Variants in KAZN observed in about 807,000 individuals in gnomAD.
KAZN encodes kazrin.
A neutral mutation model predicts 87.4 loss-of-function variants in KAZN; 40 were observed. The observed-to-expected ratio is 0.46, with a 90% CI of 0.36 to 0.60. The LOEUF is 0.60. Ranked by LOEUF, KAZN falls within the 20% of genes least tolerant of loss-of-function variation. The probability of loss-of-function intolerance (pLI) is 0.00; values close to 1 mark genes in which losing one functional copy is unlikely to be tolerated. For missense variants in KAZN, 898 were observed against 1,073.9 expected (o/e 0.84, Z 2.29); for synonymous variants, 466 against 458.3 (o/e 1.02, Z -0.22).
At chr1:14,384,000 G>T (rs1359889477) in intron 2 of KAZN, among the ~76,000 whole-genome samples, 1 of 152,028 alleles carries the variant, frequency 6.6e-6, no homozygotes, top group Non-Finnish European at 1.5e-5. Context: ...TTCAGCAGTG[G>T]TTTGTAGCTC....
At chr1:14,736,397 C>CCT (rs1643907908) in intron 1 of KAZN, among the ~76,000 whole-genome samples, 1 of 149,408 alleles carries the variant, frequency 6.7e-6, no homozygotes, top group African/African-American at 2.5e-5. Flanking sequence ...CTCCCAGGTT[C>CCT]AAGCTATTCT....
intron 1 of KAZN, among the ~76,000 whole-genome samples, chr1:14,825,160 T>C (rs2100845146): frequency 6.6e-6 from 1 of 152,368 alleles, no homozygotes; most frequent in African/African-American, 2.4e-5. Context: ...TTAAGTCATG[T>C]CCATTCAAAG....
intron 1 of KAZN, among the ~76,000 whole-genome samples, chr1:14,852,876 C>T (rs1002527369): frequency 5.9e-5 from 9 of 152,194 alleles, no homozygotes; most frequent in Non-Finnish European, 4.4e-5. Context: ...GTTGGAAATG[C>T]ACATTCTCAG....
At chr1:15,029,603 C>T (rs1310796596) in intron 2 of KAZN, among the ~76,000 whole-genome samples, 1 of 152,182 alleles carries the variant, frequency 6.6e-6, no homozygotes, top group Admixed American at 6.5e-5. Flanking sequence ...ACTGCACCCC[C>T]ACAAAGGCCA....
intron 1 of KAZN, among the ~76,000 whole-genome samples, chr1:14,760,405 A>T (rs959465493): frequency 6.6e-6 from 1 of 152,228 alleles, no homozygotes; most frequent in Non-Finnish European, 1.5e-5. Flanking sequence ...GGTTGTGATG[A>T]TAAAATAAGG....
intron 1 of KAZN, among the ~76,000 whole-genome samples, chr1:14,067,983 A>T (rs1237817623): frequency 6.6e-6 from 1 of 152,098 alleles, no homozygotes; most frequent in Non-Finnish European, 1.5e-5. Flanking sequence ...ATTGTGACAC[A>T]CTCATTCCTG....
chr1:14,578,479 A>T (rs911757870), intron 2 of KAZN, among the ~76,000 whole-genome samples: 1 of 152,114 alleles, frequency 6.6e-6, no homozygotes, highest in African/African-American at 2.4e-5. Flanking sequence ...GATAAAAAGC[A>T]ATCAGAAAAA....
chr1:14,297,618 G>C (rs920627058), intron 2 of KAZN, among the ~76,000 whole-genome samples: 2 of 151,998 alleles, frequency 1.3e-5, no homozygotes, highest in African/African-American at 4.8e-5. Context: ...GATGGGCACT[G>C]TTCTCTCCAC....
At chr1:14,753,213 T>G (rs1376678978) in intron 1 of KAZN, among the ~76,000 whole-genome samples, 1 of 152,106 alleles carries the variant, frequency 6.6e-6, no homozygotes, top group Admixed American at 6.5e-5. Context: ...TTTTTCAAAT[T>G]TATTATTATT....
chr1:15,023,416 G>T (rs180795289), intron 2 of KAZN, among the ~76,000 whole-genome samples: 1 of 152,302 alleles, frequency 6.6e-6, no homozygotes, highest in Non-Finnish European at 1.5e-5. Flanking sequence ...AGTGAGACAC[G>T]TGGGTAGGAG....
intron 2 of KAZN, among the ~76,000 whole-genome samples, chr1:14,464,868 T>G (rs1034055995): frequency 2.3e-4 from 35 of 152,194 alleles, no homozygotes; most frequent in African/African-American, 8.2e-4. Context: ...CCCTCCTGCT[T>G]GGGCCAGATG....
intron 2 of KAZN, among the ~76,000 whole-genome samples, chr1:14,196,274 T>A (rs528769793): frequency 2.6e-5 from 4 of 152,230 alleles, no homozygotes; most frequent in African/African-American, 7.2e-5. Context: ...GGGGAGCCTA[T>A]GGGGGATTTC....
chr1:14,703,247 G>T (rs534274446), intron 1 of KAZN, among the ~76,000 whole-genome samples: 1 of 152,318 alleles, frequency 6.6e-6, no homozygotes, highest in East Asian at 1.9e-4. Context: ...TGTACTCCCA[G>T]CTGATATGGT....
chr1:14,465,836 A>G (rs1276244372), intron 2 of KAZN, among the ~76,000 whole-genome samples: 5 of 152,200 alleles, frequency 3.3e-5, no homozygotes, highest in Non-Finnish European at 7.3e-5. Context: ...TTATATAGTT[A>G]TGCACCATAT....
At chr1:14,197,791 G>T (rs181306076) in intron 2 of KAZN, among the ~76,000 whole-genome samples, 10 of 152,294 alleles carry the variant, frequency 6.6e-5, no homozygotes, top group African/African-American at 2.4e-4. Flanking sequence ...GAGCAGGAAG[G>T]TCAGGCTGAT....
chr1:14,131,636 C>T (rs954915755), intron 1 of KAZN, among the ~76,000 whole-genome samples: 2 of 151,990 alleles, frequency 1.3e-5, no homozygotes, highest in Non-Finnish European at 2.9e-5. Context: ...GGTTTTAGTT[C>T]AGAATCTTTT....
At chr1:14,722,451 A>T (rs940339641) in intron 1 of KAZN, among the ~76,000 whole-genome samples, 1 of 152,246 alleles carries the variant, frequency 6.6e-6, no homozygotes, top group African/African-American at 2.4e-5. Flanking sequence ...AACATCATTC[A>T]GGGTCAAGGT....
intron 2 of KAZN, among the ~76,000 whole-genome samples, chr1:14,419,655 G>A (rs183701520): frequency 1.3e-5 from 2 of 152,216 alleles, no homozygotes; most frequent in Non-Finnish European, 2.9e-5. Context: ...TTTCGGATGT[G>A]TTCAGAGTTC....
intron 2 of KAZN, among the ~76,000 whole-genome samples, chr1:14,364,091 T>C (rs1659758827): frequency 1.3e-5 from 2 of 152,160 alleles, no homozygotes; most frequent in Admixed American, 6.5e-5. Context: ...AACTGCGTTG[T>C]GTTAAGGCCC....
Sources: gnomAD v4.1 joint callset for allele counts (sites outside exome capture counted in the v4.1 genomes callset) on GRCh38, gnomAD v4.1.1 for gene constraint, MANE v1.5 for transcripts, NCBI Gene and HGNC (gene_info 2026-07-23, HGNC 2026-07-21) for gene names.